Variants in NUP35 observed in about 807,000 individuals in gnomAD.
The protein encoded by NUP35 is nucleoporin 35, also known as nucleoporin NUP35.
NUP35 carries 25 observed loss-of-function variants against 41.5 expected under a neutral mutation model. The observed-to-expected ratio is 0.60, with a 90% CI of 0.44 to 0.84. NUP35 has a LOEUF of 0.84. Among genes scored for constraint, NUP35 ranks in the 40% least tolerant of loss-of-function variants. The pLI is 0.00. For missense variants in NUP35, 396 were observed against 396.6 expected (o/e 1.00, Z 0.01); for synonymous variants, 149 against 130.7 (o/e 1.14, Z -0.96).
chr2:183,126,283 C>T (rs1684477174), intron 1 of NUP35, among the ~76,000 whole-genome samples: 1 of 152,246 alleles, frequency 6.6e-6, no homozygotes, highest in Non-Finnish European at 1.5e-5. Context: ...CCTGCCTCGG[C>T]CTCCCAAAAT....
intron 7 of NUP35, 140 bp downstream of exon 7, chr2:183,158,551 C>A: frequency 1.5e-6 from 1 of 674,434 alleles, no homozygotes; most frequent in Admixed American, 3.3e-5. Flanking sequence ...GTTTATAGTA[C>A]TCTTTGTGGT....
chr2:183,128,348 C>G lies in NUP35; in HGVS notation c.102C>G (p.Phe34Leu). Residue 34 changes from phenylalanine to leucine, a missense_variant, in exon 2 of 9, where the codon TTC becomes TTG. Coordinates refer to ENST00000295119, the MANE Select transcript of NUP35 (RefSeq NM_138285.5). ...TSPKPGVNAQFLPGFLMGDLP... is the reference protein window; with the variant it reads ...TSPKPGVNAQLLPGFLMGDLP... The stretch of plus-strand genomic sequence containing the variant: ...CAAAGCCAGGAGTTAATGCCCAGTT[C>G]TTACCTGGATTTTTAATGGGGGATT... The G allele has an allele frequency of 1.9e-6, 3 of 1,613,950 alleles. No individual in the cohort carries two copies. Among genetic ancestry groups the G allele is most frequent in the Non-Finnish European group, 2.5e-6 (3 of 1,179,914 alleles).
intron 4 of NUP35, among the ~76,000 whole-genome samples, chr2:183,134,156 A>G (rs374288625): frequency 3.3e-5 from 5 of 152,202 alleles, no homozygotes; most frequent in East Asian, 1.9e-4. Context: ...TTTAATAATC[A>G]TCATTATGCT....
intron 4 of NUP35, among the ~76,000 whole-genome samples, chr2:183,137,804 A>G (rs1559147067): frequency 6.6e-6 from 1 of 152,030 alleles, no homozygotes; most frequent in Non-Finnish European, 1.5e-5. Flanking sequence ...AAAAAAAGGC[A>G]AAAACACATA....
At chr2:183,130,953 G>T in intron 3 of NUP35, 1 of 1,182,714 alleles carries the variant, frequency 8.5e-7, no homozygotes, top group Non-Finnish European at 1.1e-6. Context: ...CTCGTCAGCT[G>T]AGAAGTAGTA....
intron 5 of NUP35, among the ~76,000 whole-genome samples, chr2:183,156,909 T>G (rs748011473): frequency 1.3e-5 from 2 of 152,190 alleles, no homozygotes; most frequent in Non-Finnish European, 2.9e-5. Context: ...CATGCAGAGA[T>G]ATGGCTAATC....
intron 3 of NUP35, among the ~76,000 whole-genome samples, chr2:183,131,575 A>G (rs1365968253): frequency 3.9e-5 from 6 of 152,192 alleles, no homozygotes; most frequent in Admixed American, 3.9e-4. Context: ...TTTCTTCCCA[A>G]CACTTCTAGA....
upstream of NUP35, chr2:183,123,736 C>T (rs1175624897): frequency 2.1e-6 from 2 of 958,642 alleles, no homozygotes; most frequent in Non-Finnish European, 2.5e-6. Context: ...ATGACTATGC[C>T]CTAAAGAAAA....
chr2:183,139,311 G>T (rs923920479), intron 4 of NUP35, among the ~76,000 whole-genome samples: 1 of 150,802 alleles, frequency 6.6e-6, no homozygotes, highest in African/African-American at 2.4e-5. Context: ...GGCTCAAGCA[G>T]TCCTCCCACC....
intron 4 of NUP35, among the ~76,000 whole-genome samples, chr2:183,139,128 T>TA (rs1419826728): frequency 6.6e-6 from 1 of 152,088 alleles, no homozygotes; most frequent in African/African-American, 2.4e-5. Context: ...ATAAGAAAAT[T>TA]AAAATGTATG....
chr2:183,147,045 T>C (rs528933475), intron 4 of NUP35, among the ~76,000 whole-genome samples: 1 of 152,362 alleles, frequency 6.6e-6, no homozygotes, highest in South Asian at 2.1e-4. Flanking sequence ...GAGAAGTGCC[T>C]GTTCATGTCC....
chr2:183,154,921 G>A (rs966529890), intron 5 of NUP35, among the ~76,000 whole-genome samples: 4 of 152,174 alleles, frequency 2.6e-5, no homozygotes, highest in Non-Finnish European at 4.4e-5. Flanking sequence ...GAATCATGGC[G>A]GGAGGCAAAA....
chr2:183,150,760 T>A (rs949738084), intron 4 of NUP35, among the ~76,000 whole-genome samples: 1 of 152,234 alleles, frequency 6.6e-6, no homozygotes, highest in African/African-American at 2.4e-5. Context: ...CCTAGGTTGA[T>A]GCTTGGTGCA....
At chr2:183,130,387 CTTTTTT>C (rs34173657) in intron 2 of NUP35, 25 bp from the exon 3 acceptor site, 582 of 1,271,030 alleles carry the variant, frequency 4.6e-4, no homozygotes, top group Middle Eastern at 8.3e-4. Context: ...AGAAGAATCC[CTTTTTT>C]TTTTTTTTTT....
intron 4 of NUP35, among the ~76,000 whole-genome samples, chr2:183,144,278 A>C (rs912274977): frequency 1.8e-4 from 27 of 152,340 alleles, no homozygotes; most frequent in African/African-American, 6.5e-4. Context: ...TCACTGGAGC[A>C]TCTATGTCCA....
In NUP35 at chr2:183,133,594, T is replaced by A. The variant is rs779354077; in HGVS notation, c.368T>A (p.Leu123His). The change falls in exon 4 of 9, where the codon CTT becomes CAT. Residue 123 changes from leucine (L) to histidine (H), a missense_variant. Leu to His is a moderately conservative substitution (Grantham distance 99). Coordinates refer to ENST00000295119, the MANE Select transcript of NUP35 (RefSeq NM_138285.5). ...QPNISVMQSP[L>H]VGVTSTPGTG... Reference sequence around the variant, plus strand: ...AACATTTCAGTAATGCAGAGTCCTCTTGTTGGAGTTACATCTACTCCTGGA... The same window carrying A: ...AACATTTCAGTAATGCAGAGTCCTCATGTTGGAGTTACATCTACTCCTGGA... 29 of 1,601,522 alleles carry A rather than the reference T, an allele frequency of 1.8e-5. No homozygotes were observed. Among genetic ancestry groups the A allele is most frequent in the Non-Finnish European group, 2.4e-5 (28 of 1,176,406 alleles).
At chr2:183,138,262 TATATA>T (rs1482976236) in intron 4 of NUP35, among the ~76,000 whole-genome samples, 20 of 49,068 alleles carry the variant, frequency 4.1e-4, no homozygotes, top group African/African-American at 2.1e-3. Context: ...TATATATATA[TATATA>T]TATTTTTTTT....
At chr2:183,141,132 T>C (rs1009138306) in intron 4 of NUP35, among the ~76,000 whole-genome samples, 3 of 151,552 alleles carry the variant, frequency 2.0e-5, no homozygotes, top group East Asian at 1.9e-4. Flanking sequence ...TTTTTTTTTT[T>C]CCTCAGCATC....
At chr2:183,124,434 GTT>G, upstream of NUP35, 1 of 1,614,230 alleles carries the variant, frequency 6.2e-7, no homozygotes, top group Non-Finnish European at 8.5e-7. Context: ...GAAGGTACTG[GTT>G]TTAAGTGTAG....
Sources: gnomAD v4.1 joint callset for allele counts (sites outside exome capture counted in the v4.1 genomes callset) on GRCh38, gnomAD v4.1.1 for gene constraint, MANE v1.5 for transcripts, NCBI Gene and HGNC (gene_info 2026-07-23, HGNC 2026-07-21) for gene names.